PWWP2B: variants seen among roughly 807,000 people sequenced by gnomAD.
PWWP2B encodes the protein PWWP domain-containing protein 2B.
Under a neutral mutation model 15.5 loss-of-function variants are expected in PWWP2B, and 9 were observed. That is an observed-to-expected ratio of 0.58 (90% confidence interval 0.35 to 1.02). The LOEUF (loss-of-function observed/expected upper bound fraction) is 1.02, where lower values mean the gene tolerates loss of function less well. PWWP2B is among the 50% of genes least tolerant of loss of function. PWWP2B has a pLI of 0.02. For missense variants in PWWP2B, 864 were observed against 865.3 expected (o/e 1.00, Z 0.02); for synonymous variants, 474 against 403.6 (o/e 1.17, Z -2.09).
intron 1 of PWWP2B, among the ~76,000 whole-genome samples, chr10:132,397,982 G>T (rs1162391613): frequency 6.6e-6 from 1 of 152,228 alleles, no homozygotes; most frequent in African/African-American, 2.4e-5. Flanking sequence ...GGGCGGGGCG[G>T]TTCCTCCTGA....
At chr10:132,416,602 A>G (rs2069859283) in intron 2 of PWWP2B, among the ~76,000 whole-genome samples, 1 of 151,836 alleles carries the variant, frequency 6.6e-6, no homozygotes, top group African/African-American at 2.4e-5. Context: ...TGGGATCCCC[A>G]TGCGTGGGGC....
intron 2 of PWWP2B, among the ~76,000 whole-genome samples, chr10:132,411,845 A>T (rs1196902498): frequency 6.6e-6 from 1 of 152,192 alleles, no homozygotes; most frequent in African/African-American, 2.4e-5. Flanking sequence ...AGCTTCCTGC[A>T]CAAAACTTGC....
chr10:132,398,966 C>G (rs893667242), intron 1 of PWWP2B, among the ~76,000 whole-genome samples: 3 of 113,940 alleles, frequency 2.6e-5, no homozygotes, highest in Admixed American at 2.5e-4. Context: ...TGCCCCCTCC[C>G]TCATCTCCCC....
At chr10:132,413,063 A>G (rs1008261222) in intron 2 of PWWP2B, among the ~76,000 whole-genome samples, 3 of 152,204 alleles carry the variant, frequency 2.0e-5, no homozygotes, top group African/African-American at 7.2e-5. Flanking sequence ...CTCAGGCCTG[A>G]GGCAGCCACG....
At chr10:132,401,105 G>A (rs908512600) in intron 1 of PWWP2B, among the ~76,000 whole-genome samples, 2 of 152,222 alleles carry the variant, frequency 1.3e-5, no homozygotes, top group Non-Finnish European at 2.9e-5. Flanking sequence ...GGGCCGCCAC[G>A]GCTGAGTTAA....
intron 2 of PWWP2B, among the ~76,000 whole-genome samples, chr10:132,410,058 T>G (rs952022784): frequency 6.6e-6 from 1 of 152,190 alleles, no homozygotes; most frequent in Non-Finnish European, 1.5e-5. Flanking sequence ...TTATTATTTG[T>G]CAGTTAAAAA....
rs778437611 is a variant in PWWP2B at position 132,406,231 on chromosome 10, G to T, written c.1731G>T (p.Val577=). The change falls in exon 2 of 3, where the codon GTG becomes GTT. Residue 577 remains valine, a synonymous_variant. Coordinates refer to ENST00000305233, the MANE Select transcript of PWWP2B (RefSeq NM_138499.4). Reference sequence around the variant, plus strand: ...AGGCTGCAAATGCCGCAAGACACGTGGCCCCGGAAATCAGGGAGCTCTTAA... The same window carrying T: ...AGGCTGCAAATGCCGCAAGACACGTTGCCCCGGAAATCAGGGAGCTCTTAA... ...ITEAANAARH[V]APEIRELLTQ... 5.3e-5 allele frequency: 86 copies of T among 1,611,424 alleles called. No individual in the cohort carries two copies. Among genetic ancestry groups the T allele is most frequent in the Non-Finnish European group, 6.7e-5 (79 of 1,178,666 alleles).
At position 132,404,581 on chromosome 10, in the gene PWWP2B, T is replaced by G. The variant is rs1322433359; in HGVS notation, c.126-45T>G. Reference sequence around the variant, plus strand: ...TGGGGGCTGGTGCGGGTGGCAGATGTGCCAGGGTCCCTTCTCACTGTGGTT... The same window carrying G: ...TGGGGGCTGGTGCGGGTGGCAGATGGGCCAGGGTCCCTTCTCACTGTGGTT... On this transcript the variant is annotated intron_variant, in intron 1 of 2. Transcript: ENST00000305233. 2.6e-6 allele frequency: 4 copies of G among 1,544,826 alleles called. No homozygotes were observed. In the South Asian group the frequency reaches 4.5e-5, roughly 17 times the overall value.
intron 2 of PWWP2B, among the ~76,000 whole-genome samples, chr10:132,415,979 C>T (rs537345263): frequency 1.6e-4 from 25 of 152,378 alleles, no homozygotes; most frequent in Non-Finnish European, 2.6e-4. Context: ...CACTCTCACA[C>T]GGCACACGCC....
At chr10:132,410,989 G>A (rs994295512) in intron 2 of PWWP2B, among the ~76,000 whole-genome samples, 3 of 152,220 alleles carry the variant, frequency 2.0e-5, no homozygotes, top group South Asian at 2.1e-4. Flanking sequence ...TTGGGAGCAC[G>A]GGGTTTCTGC....
At chr10:132,406,313 CT>C in intron 2 of PWWP2B, 24 bp downstream of exon 2, 1 of 1,562,024 alleles carries the variant, frequency 6.4e-7, no homozygotes, top group Non-Finnish European at 8.7e-7. Flanking sequence ...CGGCAGCCTC[CT>C]TCCCCCCAGC....
At chr10:132,409,433 T>C (rs2069747644) in intron 2 of PWWP2B, among the ~76,000 whole-genome samples, 1 of 152,136 alleles carries the variant, frequency 6.6e-6, no homozygotes, top group African/African-American at 2.4e-5. Context: ...AGGAGCTGCC[T>C]GGCCAGGCTT....
intron 1 of PWWP2B, among the ~76,000 whole-genome samples, 170 bp downstream of exon 1, chr10:132,397,521 G>T (rs112869178): frequency 6.6e-6 from 1 of 151,368 alleles, no homozygotes; most frequent in Admixed American, 6.6e-5. Context: ...CCGCCACTCG[G>T]GGGGGCAAAA....
chr10:132,409,787 G>T (rs1314235778), intron 2 of PWWP2B, among the ~76,000 whole-genome samples: 1 of 152,152 alleles, frequency 6.6e-6, no homozygotes, highest in Non-Finnish European at 1.5e-5. Flanking sequence ...AAGGGAAGAG[G>T]GGCTTGAAGC....
At chr10:132,397,426 A>C in intron 1 of PWWP2B, 75 bp downstream of exon 1, 1 of 1,108,798 alleles carries the variant, frequency 9.0e-7, no homozygotes. Flanking sequence ...GAGACCCGGG[A>C]CCCGCCTCCG....
chr10:132,401,667 G>A (rs1303655623), intron 1 of PWWP2B, among the ~76,000 whole-genome samples: 2 of 152,260 alleles, frequency 1.3e-5, no homozygotes, highest in African/African-American at 2.4e-5. Context: ...AAGCCACTGA[G>A]GTTCTCCCTG....
At chr10:132,411,316 G>A (rs75692360) in intron 2 of PWWP2B, among the ~76,000 whole-genome samples, 6,609 of 152,356 alleles carry the variant, frequency 0.043, 192 homozygotes, top group Middle Eastern at 0.1. Flanking sequence ...CGTAGATAGC[G>A]CGGGAGGGGC....
chr10:132,408,533 G>A (rs1210401074), intron 2 of PWWP2B, among the ~76,000 whole-genome samples: 1 of 152,122 alleles, frequency 6.6e-6, no homozygotes, highest in African/African-American at 2.4e-5. Context: ...GCTGGAGCTC[G>A]GGCAGGGAGG....
chr10:132,404,781 C>G lies in PWWP2B; in HGVS notation c.281C>G (p.Pro94Arg), dbSNP rs2069662030. ...CCTCCTGCCCGCGGGGTTCAGCCCC[C>G]CGAGACCACCCGCCCCGAGCCACCC... ...SPPPARGVQP[P>R]ETTRPEPPPP... Residue 94 changes from proline to arginine, a missense_variant, in exon 2 of 3, where the codon CCC becomes CGC. Pro to Arg is a moderately radical substitution (Grantham distance 103). Coordinates refer to ENST00000305233, the MANE Select transcript of PWWP2B (RefSeq NM_138499.4). The G allele has an allele frequency of 6.5e-7, 1 of 1,545,598 alleles. No individual in the cohort carries two copies. The highest frequency in any genetic ancestry group is 8.8e-7 in the Non-Finnish European group (1 of 1,139,262).
Sources: allele counts gnomAD v4.1 joint callset (sites outside exome capture counted in the v4.1 genomes callset), GRCh38; gene constraint gnomAD v4.1.1; transcripts MANE v1.5; gene names NCBI Gene and HGNC (gene_info 2026-07-23, HGNC 2026-07-21).